Variants in PDZD2 observed in about 807,000 individuals in gnomAD.
PDZD2 encodes PDZ domain containing 2, also known as PDZ domain-containing protein 2.
PDZD2 carries 90 observed loss-of-function variants against 220.7 expected under a neutral mutation model. The observed-to-expected ratio is 0.41, with a 90% CI of 0.34 to 0.49. The LOEUF (loss-of-function observed/expected upper bound fraction) is 0.49. Among genes scored for constraint, PDZD2 ranks in the 20% least tolerant of loss-of-function variants. PDZD2 has a pLI of 0.28. For synonymous variants in PDZD2, 1,375 were observed against 1,450.5 expected, an observed-to-expected ratio of 0.95 and a Z score of 1.18; for missense variants, 3,174 against 3,608.5, an observed-to-expected ratio of 0.88 and a Z score of 3.08.
At chr5:31,949,207 TAGAG>T (rs1746954289) in intron 2 of PDZD2, among the ~76,000 whole-genome samples, 1 of 151,574 alleles carries the variant, frequency 6.6e-6, no homozygotes, top group South Asian at 2.1e-4. Flanking sequence ...AGAAGGAAGA[TAGAG>T]AATCTCATTT....
At chr5:32,059,747 A>G (rs1739500984) in intron 13 of PDZD2, among the ~76,000 whole-genome samples, 1 of 152,230 alleles carries the variant, frequency 6.6e-6, no homozygotes, top group Non-Finnish European at 1.5e-5. Flanking sequence ...ACTTGATGCC[A>G]AACAGTCCTG....
intron 2 of PDZD2, among the ~76,000 whole-genome samples, chr5:31,843,063 T>G (rs1757403323): frequency 6.6e-6 from 1 of 152,042 alleles, no homozygotes; most frequent in African/African-American, 2.4e-5. Flanking sequence ...GTATTTTTAG[T>G]AGAAACAGGG....
chr5:32,008,367 G>A (rs1404896482), intron 5 of PDZD2, among the ~76,000 whole-genome samples: 1 of 147,340 alleles, frequency 6.8e-6, no homozygotes, highest in Non-Finnish European at 1.5e-5. Context: ...TGCAACTTCC[G>A]CCTTCCGGGT....
intron 2 of PDZD2, among the ~76,000 whole-genome samples, chr5:31,914,087 A>G (rs1743450526): frequency 6.6e-6 from 1 of 152,230 alleles, no homozygotes; most frequent in Admixed American, 6.5e-5. Flanking sequence ...TTCCAGTGCC[A>G]TGTGATCCCA....
Position 32,082,210 on chromosome 5 carries a change from C to T in PDZD2, c.3682+4604C>T, listed in dbSNP as rs561240878. Among the ~76,000 whole-genome samples, 7 of 150,908 alleles carry T rather than the reference C, an allele frequency of 4.6e-5. No individual in the cohort carries two copies. In the East Asian group the frequency reaches 5.9e-4, roughly 13 times the overall value. ...CCAATTTTTGTGTTTTTAGTAGAGA[C>T]GGCGATTCACTATGTTGGCCAGGCT... On this transcript the variant is annotated intron_variant, in intron 19 of 24. Transcript: ENST00000438447.
At chr5:31,878,372 C>T (rs1739510200) in intron 2 of PDZD2, among the ~76,000 whole-genome samples, 1 of 151,938 alleles carries the variant, frequency 6.6e-6, no homozygotes, top group African/African-American at 2.4e-5. Flanking sequence ...TAGAATGTGC[C>T]TTTAAAAGCA....
chr5:31,737,374 G>T (rs191622921), intron 1 of PDZD2, among the ~76,000 whole-genome samples: 2 of 151,616 alleles, frequency 1.3e-5, no homozygotes, highest in South Asian at 2.1e-4. Flanking sequence ...GGGTTTCACC[G>T]TGTTAGCCAG....
intron 4 of PDZD2, among the ~76,000 whole-genome samples, 160 bp downstream of exon 4, chr5:31,995,878 C>T (rs890334765): frequency 1.3e-5 from 2 of 152,016 alleles, no homozygotes; most frequent in African/African-American, 2.4e-5. Context: ...AAGAGTGGTT[C>T]GAATTGAACA....
At chr5:31,981,086 T>G (rs1237347085) in intron 2 of PDZD2, among the ~76,000 whole-genome samples, 1 of 152,120 alleles carries the variant, frequency 6.6e-6, no homozygotes, top group Non-Finnish European at 1.5e-5. Flanking sequence ...GCACCTGGCC[T>G]AGTGGATGGT....
chr5:31,673,927 C>T (rs10461901), intron 1 of PDZD2, among the ~76,000 whole-genome samples: 112,029 of 151,964 alleles, frequency 0.74, 42,836 homozygotes, highest in Non-Finnish European at 0.84. Context: ...GCTGAGATCA[C>T]GCCACTGTAC....
intron 1 of PDZD2, among the ~76,000 whole-genome samples, chr5:31,695,760 C>G (rs999760004): frequency 2.0e-5 from 3 of 152,154 alleles, no homozygotes; most frequent in African/African-American, 7.2e-5. Flanking sequence ...CTGATTGGGT[C>G]TCCTTGGTCA....
chr5:31,881,194 G>T (rs1739867186), intron 2 of PDZD2, among the ~76,000 whole-genome samples: 1 of 151,878 alleles, frequency 6.6e-6, no homozygotes, highest in Non-Finnish European at 1.5e-5. Flanking sequence ...TTTCTCTGTG[G>T]TCTAGGAGTT....
intron 3 of PDZD2, among the ~76,000 whole-genome samples, chr5:31,989,243 G>A (rs750521985): frequency 3.3e-5 from 5 of 151,922 alleles, no homozygotes; most frequent in Admixed American, 6.6e-5. Flanking sequence ...CACTCTGCAC[G>A]GACAGCCATT....
At chr5:32,020,960 C>T (rs1189284841) in intron 6 of PDZD2, among the ~76,000 whole-genome samples, 1 of 151,590 alleles carries the variant, frequency 6.6e-6, no homozygotes, top group Non-Finnish European at 1.5e-5. Flanking sequence ...AAATGATCTT[C>T]GACGATGCAT....
intron 2 of PDZD2, among the ~76,000 whole-genome samples, chr5:31,938,473 C>T (rs1416216407): frequency 6.6e-6 from 1 of 152,150 alleles, no homozygotes; most frequent in Non-Finnish European, 1.5e-5. Flanking sequence ...ACCCTCTTTC[C>T]TGGTTTATGA....
chr5:31,987,250 A>G lies in PDZD2; in HGVS notation c.978+3594A>G, dbSNP rs550446983. ...AACCCTACCACTTGCCAAGCAGACA[A>G]GTTTATTCATGACTGGCATGGGTAT... On this transcript the variant is annotated intron_variant, in intron 3 of 24. Coordinates refer to ENST00000438447, the MANE Select transcript of PDZD2 (RefSeq NM_178140.4). Among the ~76,000 whole-genome samples, 12 of 152,326 alleles carry G rather than the reference A, an allele frequency of 7.9e-5. No individual in the cohort carries two copies. The South Asian group carries it at 2.1e-3, about 26-fold the overall frequency.
At chr5:31,976,714 C>CTTTTTTTTTTTTTTTT (rs869280921) in intron 2 of PDZD2, among the ~76,000 whole-genome samples, 6 of 99,720 alleles carry the variant, frequency 6.0e-5, no homozygotes, top group Admixed American at 4.9e-4. Context: ...TTTCTTCTTT[C>CTTTTTTTTTTTTTTTT]TTTTTTTTTT....
chr5:31,644,087 C>G (rs950874659), intron 1 of PDZD2, among the ~76,000 whole-genome samples: 2 of 152,134 alleles, frequency 1.3e-5, no homozygotes, highest in African/African-American at 4.8e-5. Context: ...CCCACCTCAG[C>G]CTCCCAAAGT....
rs559308039 is a variant in PDZD2, at chr5:31,739,682, T to C, written c.-360-59207T>C. ...TTCCTCCCTAAAGAGCTGAAGGTCT[T>C]GGATATTTAACCATGTCACAGCTTT... On this transcript the variant is annotated intron_variant, in intron 1 of 24. Coordinates refer to ENST00000438447, the MANE Select transcript of PDZD2 (RefSeq NM_178140.4). Among the ~76,000 whole-genome samples, 6 of 152,352 alleles carry C rather than the reference T, an allele frequency of 3.9e-5. No homozygotes were observed. The East Asian group carries it at 5.8e-4, about 15-fold the overall frequency.
Sources: gnomAD v4.1 joint callset for allele counts (sites outside exome capture counted in the v4.1 genomes callset) on GRCh38, gnomAD v4.1.1 for gene constraint, MANE v1.5 for transcripts, NCBI Gene and HGNC (gene_info 2026-07-23, HGNC 2026-07-21) for gene names.